KRI1: variants seen among roughly 807,000 people sequenced by gnomAD.
KRI1 encodes the protein KRI1 homolog.
Under a neutral mutation model 97.0 loss-of-function variants are expected in KRI1, and 83 were observed. That is an observed-to-expected ratio of 0.86 (90% confidence interval 0.72 to 1.03). KRI1 has a LOEUF of 1.03. Among genes scored for constraint, KRI1 ranks in the 50% least tolerant of loss-of-function variants. KRI1 has a pLI of 0.00. For synonymous variants in KRI1, 371 were observed against 363.5 expected, an observed-to-expected ratio of 1.02 and a Z score of -0.23; for missense variants, 916 against 928.4, an observed-to-expected ratio of 0.99 and a Z score of 0.17.
Position 10,557,593 on chromosome 19 carries a change from G to A in KRI1, c.1576C>T (p.Arg526Cys), listed in dbSNP as rs930849419. ...IDDLPCRFKY[R>C]TVVPCDFGLS... The stretch of plus-strand genomic sequence containing the variant: ...CCAAAGTCACAGGGCACCACTGTGC[G>A]GTACTTGAAGCGACAGGGCAGGTCG... The change falls in exon 16 of 19, where the codon CGC becomes TGC. Residue 526 changes from arginine (R) to cysteine (C), a missense_variant. Arg to Cys is a radical substitution (Grantham distance 180, BLOSUM62 -3). Coordinates refer to ENST00000312962, the MANE Select transcript of KRI1 (RefSeq NM_023008.5). The A allele has an allele frequency of 9.3e-6, 15 of 1,614,052 alleles. No individual in the cohort carries two copies. The highest frequency in any genetic ancestry group is 2.7e-5 in the African/African-American group (2 of 74,908).
chr19:10,559,715 G>T lies in KRI1; in HGVS notation c.928-7C>A. On this transcript the variant is annotated splice_region_variant and splice_polypyrimidine_tract_variant and intron_variant, in intron 10 of 18. Coordinates refer to ENST00000312962, the MANE Select transcript of KRI1 (RefSeq NM_023008.5). ...TGCGTGGGTAGGTCTTGACCTAGGCGCAATCAGAAAAGCCCACAAGGGCCG... is the reference window on the plus strand; with the variant it reads ...TGCGTGGGTAGGTCTTGACCTAGGCTCAATCAGAAAAGCCCACAAGGGCCG... 1 of 1,614,014 alleles carries T rather than the reference G, an allele frequency of 6.2e-7. No homozygotes were observed. Among genetic ancestry groups the T allele is most frequent in the South Asian group, 1.1e-5 (1 of 91,074 alleles).
At chr19:10,556,785 A>T (rs1916513564) in intron 16 of KRI1, among the ~76,000 whole-genome samples, 1 of 152,006 alleles carries the variant, frequency 6.6e-6, no homozygotes, top group Non-Finnish European at 1.5e-5. Context: ...AGGCCCAGGG[A>T]GTTCGAGACC....
Position 10,565,719 on chromosome 19 carries a change from C to G in KRI1, c.166G>C (p.Val56Leu). The G allele has an allele frequency of 6.4e-7, 1 of 1,564,452 alleles. No homozygotes were observed. The highest frequency in any genetic ancestry group is 8.7e-7 in the Non-Finnish European group (1 of 1,156,066). The stretch of plus-strand genomic sequence containing the variant: ...CAGGACGGGGCGGGGACGCGCACCA[C>G]GCGCTCGTCGCTTGAGTCCGACTCG... Reference protein sequence around the residue: ...SSESDSSDERVEFDPQQERDF... With the variant: ...SSESDSSDERLEFDPQQERDF... The change falls in exon 2 of 19, where the codon GTG becomes CTG. Residue 56 changes from valine (V) to leucine (L), a missense_variant and splice_region_variant. Val to Leu is a conservative substitution (Grantham distance 32). Transcript: ENST00000312962.
intron 3 of KRI1, among the ~76,000 whole-genome samples, chr19:10,563,297 T>C (rs939362670): frequency 4.0e-5 from 6 of 150,580 alleles, no homozygotes; most frequent in South Asian, 2.1e-4. Flanking sequence ...CTCAGGTGAT[T>C]TGCCTGCATC....
At chr19:10,559,578 TG>T (rs776642722) in intron 11 of KRI1, 34 bp downstream of exon 11, 2 of 1,613,738 alleles carry the variant, frequency 1.2e-6, no homozygotes, top group Non-Finnish European at 1.7e-6. Context: ...CCTCCAGGGC[TG>T]GGGGGTCCTC....
At chr19:10,560,981 G>T (rs777334255) in intron 8 of KRI1, 22 bp downstream of exon 8, 9 of 1,580,462 alleles carry the variant, frequency 5.7e-6, no homozygotes, top group Non-Finnish European at 7.0e-6. Flanking sequence ...TACTCCATCA[G>T]CGACCATGCG....
chr19:10,565,754 T>C lies in KRI1; in HGVS notation c.131A>G (p.Asp44Gly), dbSNP rs780356071. 4 of 1,574,268 alleles carry C rather than the reference T, an allele frequency of 2.5e-6. No homozygotes were observed. Residue 44 changes from aspartate (D) to glycine (G), a missense_variant, in exon 2 of 19, where the codon GAC (aspartate) becomes GGC (glycine). Physicochemically the swap from Asp to Gly is moderately conservative, Grantham distance 94. Transcript: ENST00000312962. ...DRYGDRDSSS[D>G]SSSESDSSDE... ...GCTTGAGTCCGACTCGGAGCTGGAG[T>C]CGCTGCTGCTGTCTCGGTCCCCGTA...
chr19:10,556,382 T>C (rs906307946), intron 16 of KRI1, among the ~76,000 whole-genome samples: 12 of 150,628 alleles, frequency 8.0e-5, no homozygotes, highest in African/African-American at 2.9e-4. Flanking sequence ...AATAAAATAA[T>C]ATTGGCTGGG....
chr19:10,555,138 G>A lies in KRI1; in HGVS notation c.1730C>T (p.Ala577Val). 6.2e-7 allele frequency: 1 copy of A among 1,608,324 alleles called. No homozygotes were observed. Among genetic ancestry groups the A allele is most frequent in the African/African-American group, 1.4e-5 (1 of 73,902 alleles). ...LRDKRAYSQK[A>V]QNSWKKRQVF... ...CTGCCGCTTTTTCCATGAGTTCTGG[G>A]CCTTCTGGCTGTACGCCCGCTTGTC... Residue 577 changes from alanine to valine, a missense_variant, in exon 18 of 19, where the codon GCC becomes GTC. Around this residue, in one of 3 missense-constraint regions of KRI1, gnomAD observed 672 missense variants for 667.2 expected, o/e 1.01. Coordinates refer to ENST00000312962, the MANE Select transcript of KRI1 (RefSeq NM_023008.5).
intron 18 of KRI1, 46 bp from the exon 19 acceptor site, chr19:10,554,327 G>A (rs1052855975): frequency 1.3e-6 from 2 of 1,533,964 alleles, no homozygotes. Context: ...TCAAGATCAG[G>A]CCCATTCTTG....
chr19:10,555,469 G>T, intron 16 of KRI1, 120 bp from the exon 17 acceptor site: 2 of 1,026,564 alleles, frequency 1.9e-6, no homozygotes, highest in Non-Finnish European at 3.0e-6. Context: ...GGGTTGCCAT[G>T]ATGGCCAGAG....
At chr19:10,565,150 AGGTCAAACAGGT>A (rs1916823802) in intron 2 of KRI1, 116 bp from the exon 3 acceptor site, 2 of 710,124 alleles carry the variant, frequency 2.8e-6, no homozygotes, top group African/African-American at 1.8e-5. Flanking sequence ...CTGGCTGGGG[AGGTCAAACAGGT>A]GGTCAAACAG....
intron 4 of KRI1, among the ~76,000 whole-genome samples, chr19:10,562,271 A>C (rs1254261684): frequency 1.3e-5 from 2 of 151,590 alleles, no homozygotes; most frequent in Non-Finnish European, 2.9e-5. Flanking sequence ...GGTGGTCTCA[A>C]ACTCTTGACC....
rs779754108 is a variant in KRI1 at position 10,557,912 on chromosome 19, G to C, written c.1360-17C>G. On this transcript the variant is annotated splice_polypyrimidine_tract_variant and intron_variant, in intron 14 of 18. Coordinates refer to ENST00000312962, the MANE Select transcript of KRI1 (RefSeq NM_023008.5). ...GGCGTCCATCTGCCAGGACGCACAG[G>C]TCAGATCCCACCAGCCCCCCGTCAG... is the stretch of plus-strand genomic sequence containing the variant. 66 of 1,613,596 alleles carry C rather than the reference G, an allele frequency of 4.1e-5. No homozygotes were observed. Among genetic ancestry groups the C allele is most frequent in the Non-Finnish European group, 5.4e-5 (64 of 1,179,962 alleles).
At position 10,555,296 on chromosome 19, in the gene KRI1, G is replaced by A. The variant is rs1335232498; in HGVS notation, c.1671C>T (p.Thr557=). ...CCCCGCCCCATCACCTGTACATGCA[G>A]GTCTTCTTTAGGGAGCACCACCGGT... The part of the protein sequence containing the change: ...ELNRWCSLKK[T]CMYRSEQEEL... Residue 557 remains threonine (T), a synonymous_variant, in exon 17 of 19, where the codon ACC becomes ACT. Transcript: ENST00000312962. 1 of 1,614,102 alleles carries A rather than the reference G, an allele frequency of 6.2e-7. No homozygotes were observed. The highest frequency in any genetic ancestry group is 1.3e-5 in the African/African-American group (1 of 75,046).
rs780220126 is a variant in KRI1, at chr19:10,557,794, C to A, written c.1461G>T (p.Gly487=). The A allele has an allele frequency of 2.7e-5, 43 of 1,613,224 alleles. No homozygotes were observed. The Admixed American group carries it at 7.2e-4, about 27-fold the overall frequency. The change falls in exon 15 of 19, where the codon GGG becomes GGT. Residue 487 remains glycine (G), a synonymous_variant. Transcript: ENST00000312962. ...CGGGTTCAAACACGGGCTTCTCCTGCCCCACGGCCGCGGCGAAGGGCGACT... is the reference window on the plus strand; with the variant it reads ...CGGGTTCAAACACGGGCTTCTCCTGACCCACGGCCGCGGCGAAGGGCGACT... ...KRKSPFAAAV[G]QEKPVFEPGD...
chr19:10,557,714 T>A (rs779018544), intron 15 of KRI1, 32 bp from the exon 16 acceptor site: 54 of 1,613,980 alleles, frequency 3.3e-5, no homozygotes, highest in Non-Finnish European at 1.3e-5. Context: ...TGCTGGGCTA[T>A]GCCAGGCCCC....
chr19:10,561,766 C>A lies in KRI1; in HGVS notation c.438+25G>T, dbSNP rs376861135. On this transcript the variant is annotated intron_variant, in intron 5 of 18. Coordinates refer to ENST00000312962, the MANE Select transcript of KRI1 (RefSeq NM_023008.5). ...GGCCAGCCCCAGGCCCCTCAGCCCC[C>A]CGACCCAGCCTTCACCCCACCCACC... 1.4e-5 allele frequency: 23 copies of A among 1,613,930 alleles called. No individual in the cohort carries two copies. The African/African-American group carries it at 3.1e-4, about 22-fold the overall frequency.
chr19:10,553,874 A>G lies in KRI1; in HGVS notation c.*77T>C. Reference sequence around the variant, plus strand: ...AGATGAGAGGATCTCTGCAGCAGATAGTACTTGTGGGTGCGAGACCTGTCC... The same window carrying G: ...AGATGAGAGGATCTCTGCAGCAGATGGTACTTGTGGGTGCGAGACCTGTCC... On this transcript the variant is annotated 3_prime_UTR_variant, in exon 19 of 19. Transcript: ENST00000312962. 3 of 1,183,982 alleles carry G rather than the reference A, an allele frequency of 2.5e-6. No homozygotes were observed. The highest frequency in any genetic ancestry group is 2.3e-6 in the Non-Finnish European group (2 of 862,976). 73.3% of individuals were successfully genotyped at this position (1,183,982 alleles called of 1,614,324 possible).
Sources: gnomAD v4.1 joint callset for allele counts (sites outside exome capture counted in the v4.1 genomes callset) on GRCh38, gnomAD v4.1.1 for gene constraint, gnomAD v4.1.1 regional missense constraint, MANE v1.5 for transcripts, NCBI Gene and HGNC (gene_info 2026-07-23, HGNC 2026-07-21) for gene names.